The following XRRA1 variants were observed in gnomAD, a reference collection of about 807,000 sequenced individuals.
XRRA1 encodes X-ray radiation resistance-associated protein 1.
In XRRA1, 69 loss-of-function variants were observed where a neutral mutation model predicts 80.2. The observed-to-expected ratio is 0.86, with a 90% CI of 0.71 to 1.05. The LOEUF is 1.05. Among genes scored for constraint, XRRA1 ranks in the 50% least tolerant of loss-of-function variants. The pLI is 0.00. For missense variants in XRRA1, 967 were observed against 976.4 expected (o/e 0.99, Z 0.13); for synonymous variants, 348 against 389.9 (o/e 0.89, Z 1.27).
chr11:74,859,327 AT>A, intron 11 of XRRA1, 44 bp from the exon 12 acceptor site: 1 of 1,567,208 alleles, frequency 6.4e-7, no homozygotes, highest in East Asian at 2.3e-5. Flanking sequence ...CCGATAATAA[AT>A]AAGGCCACTA....
In XRRA1 at chr11:74,889,615, G is replaced by A. The variant is rs143565421; in HGVS notation, c.1003+16624C>T. Among the ~76,000 whole-genome samples the A allele has an allele frequency of 5.1e-3, 779 of 152,290 alleles. 8 individuals carry two copies. The highest frequency in any genetic ancestry group is 0.018 in the African/African-American group (754 of 41,562). On this transcript the variant is annotated intron_variant, in intron 10 of 18. Transcript: ENST00000684022. Reference sequence around the variant, plus strand: ...TTAAAAGACACAGACTGGCAAATTCGATAAAGAGTCAAGAACCATCAGTGT... The same window carrying A: ...TTAAAAGACACAGACTGGCAAATTCAATAAAGAGTCAAGAACCATCAGTGT...
intron 7 of XRRA1, among the ~76,000 whole-genome samples, chr11:74,924,412 T>G (rs1284002344): frequency 1.3e-5 from 2 of 149,486 alleles, no homozygotes; most frequent in Non-Finnish European, 3.0e-5. Flanking sequence ...AGGCGGAGCT[T>G]GCAGTGAGTC....
chr11:74,926,180 G>A (rs747202411), intron 7 of XRRA1, among the ~76,000 whole-genome samples: 79 of 152,318 alleles, frequency 5.2e-4, no homozygotes, highest in Non-Finnish European at 9.8e-4. Flanking sequence ...TGGAGAGAAG[G>A]TTCCATTACA....
intron 10 of XRRA1, among the ~76,000 whole-genome samples, chr11:74,865,810 C>G (rs946230248): frequency 3.2e-4 from 49 of 152,234 alleles, no homozygotes; most frequent in Admixed American, 6.5e-5. Flanking sequence ...GGACTCAGGT[C>G]CCCTTGGCCA....
intron 10 of XRRA1, among the ~76,000 whole-genome samples, chr11:74,894,766 C>T (rs573040918): frequency 6.6e-6 from 1 of 151,866 alleles, no homozygotes; most frequent in East Asian, 1.9e-4. Context: ...CCCTTGAACC[C>T]AAAATAAAAG....
At chr11:74,898,913 C>T (rs1347586037) in intron 10 of XRRA1, among the ~76,000 whole-genome samples, 1 of 151,850 alleles carries the variant, frequency 6.6e-6, no homozygotes, top group Non-Finnish European at 1.5e-5. Flanking sequence ...ATGGACTTAA[C>T]AGATATTTAC....
chr11:74,930,158 G>T, intron 6 of XRRA1, 142 bp downstream of exon 6: 1 of 716,112 alleles, frequency 1.4e-6, no homozygotes, highest in Non-Finnish European at 2.4e-6. Context: ...AGGTCTTTGT[G>T]CTCTCCAGCA....
intron 11 of XRRA1, among the ~76,000 whole-genome samples, chr11:74,862,432 T>C (rs1046816079): frequency 3.9e-5 from 6 of 152,238 alleles, no homozygotes; most frequent in African/African-American, 1.4e-4. Context: ...AGAGATATAC[T>C]ATTTATTGTA....
At chr11:74,853,077 A>G (rs1482721691) in intron 12 of XRRA1, among the ~76,000 whole-genome samples, 1 of 152,242 alleles carries the variant, frequency 6.6e-6, no homozygotes, top group African/African-American at 2.4e-5. Flanking sequence ...TTTGTTAGGA[A>G]TGAGCAAAAC....
chr11:74,904,743 A>C (rs1486135935), intron 10 of XRRA1, among the ~76,000 whole-genome samples: 2 of 152,094 alleles, frequency 1.3e-5, no homozygotes, highest in Non-Finnish European at 2.9e-5. Context: ...AGATATCCTA[A>C]AATAAATATT....
intron 1 of XRRA1, among the ~76,000 whole-genome samples, chr11:74,946,077 C>A (rs1947465157): frequency 6.6e-6 from 1 of 152,116 alleles, no homozygotes; most frequent in Admixed American, 6.5e-5. Context: ...ATCCTCCCAC[C>A]TTAGCCTCCC....
chr11:74,924,473 CA>C (rs113377290), intron 7 of XRRA1, among the ~76,000 whole-genome samples: 1,808 of 95,964 alleles, frequency 0.019, 29 homozygotes, highest in African/African-American at 0.05. Flanking sequence ...AACTCCGTCT[CA>C]AAAAAAAAAA....
At chr11:74,885,283 A>T (rs925159459) in intron 10 of XRRA1, among the ~76,000 whole-genome samples, 11 of 152,194 alleles carry the variant, frequency 7.2e-5, no homozygotes, top group Non-Finnish European at 1.6e-4. Context: ...AAAAAAGATC[A>T]ACAAATACAG....
rs1227505316 is a variant in XRRA1 at position 74,841,008 on chromosome 11, C to T, written c.*2192G>A. On this transcript the variant is annotated 3_prime_UTR_variant, in exon 19 of 19. Transcript: ENST00000684022. ...TAGTTAGAGTTAAATGTACCTATAG[C>T]CCCTGAATACATGCTCAGGTAGAGA... 2.0e-5 allele frequency: 3 copies of T among 151,818 alleles called. No individual in the cohort carries two copies. The highest frequency in any genetic ancestry group is 1.9e-4 in the East Asian group (1 of 5,176). The allele number at this position is 151,818 out of a possible 1,614,324, so 9.4% of individuals were successfully genotyped here.
At chr11:74,942,747 T>G (rs556980667) in intron 2 of XRRA1, among the ~76,000 whole-genome samples, 3 of 152,254 alleles carry the variant, frequency 2.0e-5, no homozygotes, top group Non-Finnish European at 4.4e-5. Context: ...TGCACCTACT[T>G]CATAGGGCTG....
At chr11:74,854,796 G>A (rs988235091) in intron 12 of XRRA1, among the ~76,000 whole-genome samples, 10 of 152,048 alleles carry the variant, frequency 6.6e-5, no homozygotes, top group African/African-American at 2.4e-4. Flanking sequence ...GAGGCAAGTG[G>A]ATCACAAGGT....
At chr11:74,852,435 CTCT>C (rs760107788) in intron 12 of XRRA1, among the ~76,000 whole-genome samples, 4 of 152,182 alleles carry the variant, frequency 2.6e-5, no homozygotes, top group Non-Finnish European at 5.9e-5. Flanking sequence ...TACGAACAAA[CTCT>C]TTATCTCATA....
Position 74,841,948 on chromosome 11 carries a change from G to A in XRRA1, c.*1252C>T, listed in dbSNP as rs911112803. ...TGAGCCTCCAGCAGAGCACTTAAAA[G>A]TCCTAGTGAGAGAATAGATACTATG... On this transcript the variant is annotated 3_prime_UTR_variant, in exon 19 of 19. Transcript: ENST00000684022. 3 of 152,030 alleles carry A rather than the reference G, an allele frequency of 2.0e-5. No homozygotes were observed. The highest frequency in any genetic ancestry group is 7.3e-5 in the African/African-American group (3 of 41,378). The allele number at this position is 152,030 out of a possible 1,614,324, so 9.4% of individuals were successfully genotyped here.
rs74711183 is a variant in XRRA1 at position 74,894,412 on chromosome 11, C to T, written c.1003+11827G>A. On this transcript the variant is annotated intron_variant, in intron 10 of 18. Coordinates refer to ENST00000684022, the MANE Select transcript of XRRA1 (RefSeq NM_001378157.1). Reference sequence around the variant, plus strand: ...CTTGTACATGTACCCCATGTTAGTCCGTTCTCACATTGCTATAAGAACTGC... The same window carrying T: ...CTTGTACATGTACCCCATGTTAGTCTGTTCTCACATTGCTATAAGAACTGC... Among the ~76,000 whole-genome samples, 775 of 152,158 alleles carry T rather than the reference C, an allele frequency of 5.1e-3. 6 individuals are homozygous for T. Among genetic ancestry groups the T allele is most frequent in the African/African-American group, 0.018 (743 of 41,490 alleles).
Sources: allele counts gnomAD v4.1 joint callset (sites outside exome capture counted in the v4.1 genomes callset), GRCh38; gene constraint gnomAD v4.1.1; transcripts MANE v1.5; gene names NCBI Gene and HGNC (gene_info 2026-07-23, HGNC 2026-07-21).